MAOB: variants seen among roughly 807,000 people sequenced by gnomAD.
MAOB encodes monoamine oxidase B, also known as amine oxidase [flavin-containing] B.
MAOB carries 15 observed loss-of-function variants against 41.9 expected under a neutral mutation model. The observed-to-expected ratio is 0.36, with a 90% confidence interval of 0.24 to 0.55. The LOEUF (loss-of-function observed/expected upper bound fraction) is 0.55. MAOB is among the 20% of genes least tolerant of loss of function. The pLI is 0.86. For missense variants in MAOB, 345 were observed against 398.7 expected (o/e 0.87, Z 1.15); for synonymous variants, 167 against 144.2 (o/e 1.16, Z -1.13).
chrX:43,832,587 T>C (rs1202513538), intron 3 of MAOB, among the ~76,000 whole-genome samples: 1 of 112,159 alleles, frequency 8.9e-6, no homozygotes, highest in Non-Finnish European at 1.9e-5. Flanking sequence ...GTCTCTTCCT[T>C]ATGATTTTCT....
chrX:43,808,668 A>G (rs2034700069), intron 3 of MAOB, among the ~76,000 whole-genome samples: 1 of 100,795 alleles, frequency 9.9e-6, no homozygotes, highest in Non-Finnish European at 2.0e-5. Context: ...ATCTATATCT[A>G]TATCTATATC....
At chrX:43,794,389 G>A (rs1347873355) in intron 7 of MAOB, among the ~76,000 whole-genome samples, 3 of 110,027 alleles carry the variant, frequency 2.7e-5, no homozygotes, top group Non-Finnish European at 5.7e-5. Flanking sequence ...CTCACTTTCT[G>A]GTATGCCCTC....
chrX:43,820,421 T>C (rs1351906576), intron 3 of MAOB, among the ~76,000 whole-genome samples: 1 of 112,259 alleles, frequency 8.9e-6, no homozygotes, highest in Admixed American at 9.5e-5. Flanking sequence ...TATGTTATGG[T>C]TTGGAAAATT....
At chrX:43,828,085 C>T (rs1040785347) in intron 3 of MAOB, among the ~76,000 whole-genome samples, 1 of 111,708 alleles carries the variant, frequency 9.0e-6, no homozygotes, top group Non-Finnish European at 1.9e-5. Flanking sequence ...GACTCTCATC[C>T]TTTCTAATCC....
At chrX:43,785,103 G>A (rs908323846) in intron 8 of MAOB, among the ~76,000 whole-genome samples, 7 of 113,111 alleles carry the variant, frequency 6.2e-5, no homozygotes, top group Non-Finnish European at 1.1e-4. Flanking sequence ...AGCCGAGATC[G>A]CGCCACTGCG....
intron 5 of MAOB, among the ~76,000 whole-genome samples, chrX:43,801,528 C>T (rs1316285753): frequency 3.6e-5 from 4 of 112,000 alleles, no homozygotes; most frequent in Admixed American, 9.5e-5. Context: ...CCTCATAATC[C>T]TTTCCATTTT....
At chrX:43,829,958 T>C (rs982968367) in intron 3 of MAOB, among the ~76,000 whole-genome samples, 1 of 111,891 alleles carries the variant, frequency 8.9e-6, no homozygotes, top group African/African-American at 3.2e-5. Context: ...AAACCACACA[T>C]CAGATTTTAA....
chrX:43,832,880 G>A (rs1392894648), intron 3 of MAOB, among the ~76,000 whole-genome samples: 1 of 111,499 alleles, frequency 9.0e-6, no homozygotes, highest in East Asian at 2.8e-4. Context: ...AAGGTGAGGA[G>A]GATACAGGGC....
chrX:43,794,547 CTG>C (rs1490491976), intron 7 of MAOB, among the ~76,000 whole-genome samples: 4 of 110,755 alleles, frequency 3.6e-5, no homozygotes, highest in Non-Finnish European at 7.6e-5. Flanking sequence ...TTGTTCACGA[CTG>C]TGTTCTTAAC....
chrX:43,778,667 G>A lies in MAOB; in HGVS notation c.1137+15C>T. Reference sequence around the variant, plus strand: ...GGCCTCTCACCCTTAGTATAGGGTTGGGAAGCAGCCTTACCTCCAGAGCTT... The same window carrying A: ...GGCCTCTCACCCTTAGTATAGGGTTAGGAAGCAGCCTTACCTCCAGAGCTT... On this transcript the variant is annotated intron_variant, in intron 11 of 14. Transcript: ENST00000378069. 1 of 1,199,692 alleles carries A rather than the reference G, an allele frequency of 8.3e-7. No individual in the cohort carries two copies.
At chrX:43,782,619 G>A (rs2034348026) in intron 8 of MAOB, among the ~76,000 whole-genome samples, 1 of 111,622 alleles carries the variant, frequency 9.0e-6, no homozygotes, top group Non-Finnish European at 1.9e-5. Context: ...GAAAAAGAGG[G>A]ACTCCTCCCT....
At position 43,829,020 on chromosome X, in the gene MAOB, T is replaced by C. The variant is rs1007351613; in HGVS notation, c.279+9848A>G. On this transcript the variant is annotated intron_variant, in intron 3 of 14. Transcript: ENST00000378069. ...CATGTACATATGAATTTGGTTTCCC[T>C]TGAGAGCCTAAATTATAGGTAACTA... Among the ~76,000 whole-genome samples, 3 of 111,860 alleles carry C rather than the reference T, an allele frequency of 2.7e-5. No individual in the cohort carries two copies. In the East Asian group the frequency reaches 8.4e-4, roughly 31 times the overall value.
chrX:43,842,241 G>A (rs940731419), intron 2 of MAOB, among the ~76,000 whole-genome samples: 3 of 112,251 alleles, frequency 2.7e-5, no homozygotes, highest in Non-Finnish European at 5.6e-5. Context: ...TTTAAAGAAT[G>A]GGCAAAGGAA....
At chrX:43,825,937 T>C (rs1474912894) in intron 3 of MAOB, among the ~76,000 whole-genome samples, 1 of 112,384 alleles carries the variant, frequency 8.9e-6, no homozygotes, top group African/African-American at 3.2e-5. Context: ...TTTTATAGCC[T>C]TTTTTATTCT....
chrX:43,770,554 T>A, intron 12 of MAOB, among the ~76,000 whole-genome samples: 1 of 111,875 alleles, frequency 8.9e-6, no homozygotes, highest in Admixed American at 9.5e-5. Flanking sequence ...CCTACAGTCT[T>A]AACCACTTAG....
At chrX:43,780,768 G>T (rs1327516538) in intron 9 of MAOB, among the ~76,000 whole-genome samples, 1 of 111,509 alleles carries the variant, frequency 9.0e-6, no homozygotes, top group Non-Finnish European at 1.9e-5. Flanking sequence ...CTTGCTCTTT[G>T]GTTTTGTCTC....
chrX:43,853,888 T>A (rs914655002), intron 1 of MAOB, among the ~76,000 whole-genome samples: 3 of 112,481 alleles, frequency 2.7e-5, no homozygotes, highest in Non-Finnish European at 5.6e-5. Flanking sequence ...CAGAACCATA[T>A]GACAATACAT....
rs1312542310 is a variant in MAOB, at chrX:43,810,261, A to G, written c.280-6857T>C. ...CTGTCTCAAAAAAAAAAAAAAAAAA[A>G]AAAAAAAGAAAGCTATTGGAAGTTC... On this transcript the variant is annotated intron_variant, in intron 3 of 14. Coordinates refer to ENST00000378069, the MANE Select transcript of MAOB (RefSeq NM_000898.5). Among the ~76,000 whole-genome samples, 4 of 97,607 alleles carry G rather than the reference A, an allele frequency of 4.1e-5. No individual in the cohort carries two copies. In the East Asian group the frequency reaches 1.2e-3, roughly 29 times the overall value. The allele number at this position is 97,607 out of a possible 115,157, so 84.8% of individuals were successfully genotyped here.
At chrX:43,817,229 T>C (rs1429805279) in intron 3 of MAOB, among the ~76,000 whole-genome samples, 1 of 110,182 alleles carries the variant, frequency 9.1e-6, no homozygotes, top group Non-Finnish European at 1.9e-5. Flanking sequence ...TGACTCATTC[T>C]ATTGTTTTCT....
Sources: allele counts gnomAD v4.1 joint callset (sites outside exome capture counted in the v4.1 genomes callset), GRCh38; gene constraint gnomAD v4.1.1; transcripts MANE v1.5; gene names NCBI Gene and HGNC (gene_info 2026-07-23, HGNC 2026-07-21).